The following WDR19 variants were observed in gnomAD, a reference collection of about 807,000 sequenced individuals.
WDR19 encodes the protein WD repeat domain 19, also known as WD repeat-containing protein 19.
WDR19 carries 121 observed loss-of-function variants against 180.0 expected under a neutral mutation model. The ratio of observed to expected loss-of-function variants is 0.67; its 90% CI spans 0.58 to 0.78. The LOEUF (loss-of-function observed/expected upper bound fraction) is 0.78, where lower values mean the gene tolerates loss of function less well. Ranked by LOEUF, WDR19 falls within the 30% of genes least tolerant of loss-of-function variation. WDR19 has a pLI of 0.00. For missense variants in WDR19, 1,450 were observed against 1,640.7 expected (o/e 0.88, Z 2.01); for synonymous variants, 497 against 540.7 (o/e 0.92, Z 1.12).
intron 30 of WDR19, among the ~76,000 whole-genome samples, chr4:39,269,011 C>T (rs1052015153): frequency 2.0e-5 from 3 of 151,644 alleles, no homozygotes; most frequent in South Asian, 2.1e-4. Context: ...GAGCAGGTGA[C>T]GAGGGGAGTG....
intron 6 of WDR19, among the ~76,000 whole-genome samples, chr4:39,201,521 C>T (rs1229292274): frequency 1.3e-5 from 2 of 152,188 alleles, no homozygotes; most frequent in Admixed American, 1.3e-4. Flanking sequence ...CAGCTTGTTC[C>T]TGAGTTGTTC....
chr4:39,191,922 G>A (rs965056080), intron 4 of WDR19, among the ~76,000 whole-genome samples: 3 of 152,164 alleles, frequency 2.0e-5, no homozygotes, highest in African/African-American at 7.2e-5. Flanking sequence ...ATTGTTATAT[G>A]TTGTCCTGAT....
At chr4:39,189,576 T>A in intron 3 of WDR19, 80 bp from the exon 4 acceptor site, 2 of 1,285,518 alleles carry the variant, frequency 1.6e-6, no homozygotes, top group Non-Finnish European at 2.1e-6. Flanking sequence ...GATTGAATAA[T>A]CTTGTTATAG....
At chr4:39,276,924 G>A (rs1735959181) in intron 33 of WDR19, 96 bp from the exon 34 acceptor site, 2 of 1,488,736 alleles carry the variant, frequency 1.3e-6, no homozygotes, top group Non-Finnish European at 1.8e-6. Flanking sequence ...AAGTAGGTGT[G>A]TCATATGTCC....
In WDR19 at chr4:39,216,224, C is replaced by T. The variant is rs1339478343; in HGVS notation, c.1249+14C>T. On this transcript the variant is annotated intron_variant, in intron 12 of 36. Coordinates refer to ENST00000399820, the MANE Select transcript of WDR19 (RefSeq NM_025132.4). ...TTGGAGAAAATGGCAAGTCTAAATC[C>T]AGTTGTTTATTCTTATCTAGCACAT... 1.3e-6 allele frequency: 2 copies of T among 1,536,394 alleles called. No homozygotes were observed. The highest frequency in any genetic ancestry group is 1.8e-6 in the Non-Finnish European group (2 of 1,141,830).
At chr4:39,250,606 C>T (rs530843485) in intron 24 of WDR19, among the ~76,000 whole-genome samples, 1 of 152,284 alleles carries the variant, frequency 6.6e-6, no homozygotes, top group South Asian at 2.1e-4. Flanking sequence ...ATCTAGAAAA[C>T]CCCATCGTCT....
intron 25 of WDR19, 42 bp downstream of exon 25, chr4:39,253,334 C>A: frequency 6.4e-7 from 1 of 1,565,158 alleles, no homozygotes. Context: ...CAAAAACTAA[C>A]CATAAAAGTA....
intron 7 of WDR19, 111 bp downstream of exon 7, chr4:39,203,833 C>A: frequency 9.1e-7 from 1 of 1,093,478 alleles, no homozygotes; most frequent in Non-Finnish European, 1.4e-6. Flanking sequence ...GGTCCATTGA[C>A]TGTATTTTAA....
intron 11 of WDR19, 32 bp from the exon 12 acceptor site, chr4:39,216,064 C>T: frequency 6.5e-7 from 1 of 1,540,004 alleles, no homozygotes; most frequent in Non-Finnish European, 8.7e-7. Flanking sequence ...ATAAGTTTAG[C>T]CGTTGATTTA....
In WDR19 at chr4:39,245,382, G is replaced by A. The variant is rs747019863; in HGVS notation, c.2659G>A (p.Asp887Asn). 1 of 1,613,342 alleles carries A rather than the reference G, an allele frequency of 6.2e-7. No homozygotes were observed. Among genetic ancestry groups the A allele is most frequent in the Non-Finnish European group, 8.5e-7 (1 of 1,179,692 alleles). Residue 887 changes from aspartate (D) to asparagine (N), a missense_variant, in exon 24 of 37, where the codon GAT becomes AAT. By Grantham distance (23) the Asp-to-Asn change is conservative. Coordinates refer to ENST00000399820, the MANE Select transcript of WDR19 (RefSeq NM_025132.4). ...IRSKNWAKVGDLLPHVSSPKI... is the reference protein window; with the variant it reads ...IRSKNWAKVGNLLPHVSSPKI... ...CTACCTTTCCAGGGCAAAAGTTGGTGATCTTCTGCCCCACGTTTCTTCTCC... is the reference window on the plus strand; with the variant it reads ...CTACCTTTCCAGGGCAAAAGTTGGTAATCTTCTGCCCCACGTTTCTTCTCC...
At chr4:39,185,210 A>G (rs1262954920) in intron 1 of WDR19, among the ~76,000 whole-genome samples, 3 of 152,220 alleles carry the variant, frequency 2.0e-5, no homozygotes, top group Non-Finnish European at 4.4e-5. Flanking sequence ...TGATAACACT[A>G]TTCACCCAGT....
intron 24 of WDR19, among the ~76,000 whole-genome samples, chr4:39,252,279 G>A (rs1213580068): frequency 6.8e-6 from 1 of 147,400 alleles, no homozygotes; most frequent in African/African-American, 2.5e-5. Flanking sequence ...AATACCTCAT[G>A]TTCTCACTCA....
At position 39,223,079 on chromosome 4, in the gene WDR19, G is replaced by GTA. The variant is rs569322419; in HGVS notation, c.1480-1803_1480-1802dup. On this transcript the variant is annotated intron_variant, in intron 14 of 36. Coordinates refer to ENST00000399820, the MANE Select transcript of WDR19 (RefSeq NM_025132.4). ...TTTTGTTATTGAGTCGTATTCCATGGTATGGATGTACTTAGTTTGTTTAAC... is the reference window on the plus strand; with the variant it reads ...TTTTGTTATTGAGTCGTATTCCATGGTATATGGATGTACTTAGTTTGTTTAAC... Among the ~76,000 whole-genome samples, 4 of 152,194 alleles carry GTA rather than the reference G, an allele frequency of 2.6e-5. No individual in the cohort carries two copies. The South Asian group carries it at 8.3e-4, about 32-fold the overall frequency.
At chr4:39,244,612 C>G (rs990262011) in intron 23 of WDR19, 60 bp downstream of exon 23, 1 of 1,584,086 alleles carries the variant, frequency 6.3e-7, no homozygotes, top group Non-Finnish European at 8.7e-7. Context: ...CCTCTGGGGT[C>G]TCCCCACTTG....
chr4:39,276,845 C>T (rs892253228), intron 33 of WDR19, 175 bp from the exon 34 acceptor site: 4 of 728,436 alleles, frequency 5.5e-6, no homozygotes, highest in East Asian at 5.7e-5. Flanking sequence ...TACTCTTCCT[C>T]CTCCCTGGAG....
At chr4:39,199,889 A>G (rs1727196875) in intron 6 of WDR19, among the ~76,000 whole-genome samples, 1 of 152,218 alleles carries the variant, frequency 6.6e-6, no homozygotes, top group Admixed American at 6.5e-5. Context: ...CTTATTTTAT[A>G]TATGTGTATT....
At chr4:39,232,618 C>T (rs988208965) in intron 19 of WDR19, among the ~76,000 whole-genome samples, 1 of 151,798 alleles carries the variant, frequency 6.6e-6, no homozygotes, top group African/African-American at 2.4e-5. Context: ...AGGAGAATTG[C>T]TTGAACCTAG....
intron 9 of WDR19, 96 bp from the exon 10 acceptor site, chr4:39,214,505 C>T: frequency 1.5e-6 from 1 of 683,392 alleles, no homozygotes; most frequent in Non-Finnish European, 2.5e-6. Context: ...TTTTGGAGAC[C>T]AGTAACCTAT....
intron 36 of WDR19, among the ~76,000 whole-genome samples, chr4:39,282,365 A>T (rs1350112242): frequency 1.3e-5 from 2 of 152,118 alleles, no homozygotes; most frequent in South Asian, 2.1e-4. Context: ...ATTTATTTAG[A>T]TCTTTTTCAA....
Sources: allele counts gnomAD v4.1 joint callset (sites outside exome capture counted in the v4.1 genomes callset), GRCh38; gene constraint gnomAD v4.1.1; transcripts MANE v1.5; gene names NCBI Gene and HGNC (gene_info 2026-07-23, HGNC 2026-07-21).